The following TSHZ3 variants were observed in gnomAD, a reference collection of about 807,000 sequenced individuals.
TSHZ3 encodes teashirt zinc finger homeobox 3, also known as teashirt homolog 3.
A neutral mutation model predicts 64.5 loss-of-function variants in TSHZ3; 10 were observed. The ratio of observed to expected loss-of-function variants is 0.16; its 90% CI spans 0.10 to 0.26. The LOEUF is 0.26. Ranked by LOEUF, TSHZ3 falls within the 10% of genes least tolerant of loss-of-function variation. The probability of loss-of-function intolerance (pLI) is 1.00; values close to 1 mark genes in which losing one functional copy is unlikely to be tolerated. For synonymous variants in TSHZ3, 608 were observed against 593.1 expected, an observed-to-expected ratio of 1.03 and a Z score of -0.36; for missense variants, 1,242 against 1,421.7, an observed-to-expected ratio of 0.87 and a Z score of 2.03.
At chr19:31,328,782 G>A (rs1231914108) in intron 1 of TSHZ3, among the ~76,000 whole-genome samples, 5 of 152,268 alleles carry the variant, frequency 3.3e-5, no homozygotes, top group African/African-American at 1.2e-4. Context: ...TTACAATACC[G>A]TATACATACT....
intron 4 of TSHZ3, among the ~76,000 whole-genome samples, chr19:31,208,179 G>A (rs1402382261): frequency 6.6e-6 from 1 of 152,222 alleles, no homozygotes; most frequent in Non-Finnish European, 1.5e-5. Context: ...TAGTTAACGT[G>A]AGGAGGATAT....
intron 5 of TSHZ3, among the ~76,000 whole-genome samples, chr19:31,192,335 A>G (rs534301566): frequency 3.3e-4 from 50 of 152,336 alleles, no homozygotes; most frequent in South Asian, 8.3e-4. Context: ...TTAAGAACCA[A>G]TTACTCTTGG....
At chr19:31,168,585 A>T (rs1370615677) in intron 5 of TSHZ3, among the ~76,000 whole-genome samples, 1 of 152,230 alleles carries the variant, frequency 6.6e-6, no homozygotes, top group East Asian at 1.9e-4. Flanking sequence ...GCGTATTATC[A>T]TGACTAACTC....
chr19:31,302,745 C>G (rs1372570041), intron 1 of TSHZ3, among the ~76,000 whole-genome samples: 1 of 152,062 alleles, frequency 6.6e-6, no homozygotes, highest in Non-Finnish European at 1.5e-5. Context: ...TGCAAAGATG[C>G]CACATTCATC....
At chr19:31,297,024 C>T (rs141293920) in intron 1 of TSHZ3, among the ~76,000 whole-genome samples, 10 of 152,280 alleles carry the variant, frequency 6.6e-5, no homozygotes, top group Admixed American at 2.0e-4. Context: ...TCAGTGGGAG[C>T]GGGAGGTGGG....
intron 5 of TSHZ3, among the ~76,000 whole-genome samples, chr19:31,187,051 G>C (rs544543374): frequency 6.6e-6 from 1 of 151,620 alleles, no homozygotes; most frequent in African/African-American, 2.4e-5. Context: ...GTTCTTTTGG[G>C]GTACACTTCT....
At chr19:31,312,209 T>G (rs754756321) in intron 1 of TSHZ3, among the ~76,000 whole-genome samples, 4 of 152,228 alleles carry the variant, frequency 2.6e-5, no homozygotes, top group Non-Finnish European at 4.4e-5. Context: ...GAGGCCCATC[T>G]TCCCTCCCAC....
At chr19:31,160,827 A>G (rs1173702711) in intron 5 of TSHZ3, among the ~76,000 whole-genome samples, 1 of 152,078 alleles carries the variant, frequency 6.6e-6, no homozygotes, top group East Asian at 1.9e-4. Flanking sequence ...CACACAATTT[A>G]AATATCTCTA....
In TSHZ3 at chr19:31,278,863, A is replaced by G; in HGVS notation, c.930T>C (p.Thr310=). ...YQKVPLKEPV[T]PVAAKIIPAT... is the part of the protein sequence containing the mutation. ...CAGGGATGATTTTGGCGGCGACAGG[A>G]GTGACGGGTTCCTTCAGAGGCACTT... is the stretch of plus-strand genomic sequence containing the variant. The change falls in exon 2 of 2, where the codon ACT becomes ACC. Residue 310 remains threonine, a synonymous_variant. Transcript: ENST00000240587. The surrounding 1 kb of genome is among the most constrained non-coding windows in gnomAD (Gnocchi z 4.7). 6.2e-7 allele frequency: 1 copy of G among 1,614,016 alleles called. No homozygotes were observed. Among genetic ancestry groups the G allele is most frequent in the Non-Finnish European group, 8.5e-7 (1 of 1,179,998 alleles).
At chr19:31,234,423 A>AT (rs1370201344) in intron 3 of TSHZ3, among the ~76,000 whole-genome samples, 4 of 152,038 alleles carry the variant, frequency 2.6e-5, no homozygotes, top group Admixed American at 2.6e-4. Context: ...TATTTATGGG[A>AT]AGTAAGGAGA....
rs1205201890 is a variant in TSHZ3, at chr19:31,305,589, T to C, written c.41-25837A>G. The C allele has an allele frequency of 2.0e-5, 3 of 152,218 alleles. No homozygotes were observed. In the South Asian group the frequency reaches 6.2e-4, roughly 32 times the overall value. The allele number at this position is 152,218 out of a possible 1,614,324, so 9.4% of individuals were successfully genotyped here. ...ACAACAGAGAAGCCTTCTTGCTTAG[T>C]TGCTAAAGAACCCCTTATGGAGTTT... On this transcript the variant is annotated intron_variant, in intron 1 of 1. Coordinates refer to ENST00000240587, the MANE Select transcript of TSHZ3 (RefSeq NM_020856.4).
chr19:31,194,917 G>A (rs1285858481), intron 5 of TSHZ3, among the ~76,000 whole-genome samples: 3 of 152,164 alleles, frequency 2.0e-5, no homozygotes, highest in Non-Finnish European at 4.4e-5. Flanking sequence ...AAATGCTGGA[G>A]ATAAAAAACA....
intron 5 of TSHZ3, among the ~76,000 whole-genome samples, chr19:31,175,741 C>G (rs1190081563): frequency 6.6e-6 from 1 of 152,242 alleles, no homozygotes; most frequent in Non-Finnish European, 1.5e-5. Flanking sequence ...TGTGTCTGCT[C>G]TCTGTTGCTC....
At chr19:31,256,959 G>A (rs1440999769) in intron 1 of TSHZ3, among the ~76,000 whole-genome samples, 1 of 152,194 alleles carries the variant, frequency 6.6e-6, no homozygotes, top group African/African-American at 2.4e-5. Context: ...GCAGGAGCCA[G>A]GTCCTGAGTA....
At chr19:31,291,930 T>C (rs1976573191) in intron 1 of TSHZ3, among the ~76,000 whole-genome samples, 1 of 152,224 alleles carries the variant, frequency 6.6e-6, no homozygotes, top group Non-Finnish European at 1.5e-5. Context: ...AGCGACGGTC[T>C]ATACAGTGAA....
chr19:31,213,356 CAAAAAAAAAAAAAAAAAAA>C (rs35192337), intron 4 of TSHZ3, among the ~76,000 whole-genome samples: 432 of 23,334 alleles, frequency 0.019, 12 homozygotes, highest in Non-Finnish European at 0.027. Flanking sequence ...GACTCTGTCT[CAAAAAAAAAAAAAAAAAAA>C]AAAAAAAAAA....
intron 5 of TSHZ3, among the ~76,000 whole-genome samples, chr19:31,162,023 G>A (rs1029101835): frequency 1.3e-5 from 2 of 152,216 alleles, no homozygotes; most frequent in African/African-American, 4.8e-5. Flanking sequence ...ATGTCTAGCT[G>A]AGGTACCCGG....
intron 1 of TSHZ3, among the ~76,000 whole-genome samples, chr19:31,344,599 T>C (rs927219025): frequency 5.3e-5 from 8 of 152,216 alleles, no homozygotes; most frequent in Non-Finnish European, 1.2e-4. Flanking sequence ...CGGGCCTGCC[T>C]GCCTGCCTGC....
chr19:31,255,803 T>C (rs1252236954), intron 1 of TSHZ3, among the ~76,000 whole-genome samples: 1 of 152,188 alleles, frequency 6.6e-6, no homozygotes, highest in Non-Finnish European at 1.5e-5. Flanking sequence ...TCATGGCCTC[T>C]ACATCTAAAA....
Sources: gnomAD v4.1 joint callset for allele counts (sites outside exome capture counted in the v4.1 genomes callset) on GRCh38, gnomAD v4.1.1 for gene constraint, Gnocchi (gnomAD v3.1) non-coding constraint, MANE v1.5 for transcripts, NCBI Gene and HGNC (gene_info 2026-07-23, HGNC 2026-07-21) for gene names.